The following SENP5 variants were observed in gnomAD, a reference collection of about 807,000 sequenced individuals.
SENP5 encodes the protein sentrin-specific protease 5.
In SENP5, 21 loss-of-function variants were observed where a neutral mutation model predicts 74.2. That is an observed-to-expected ratio of 0.28 (90% confidence interval 0.20 to 0.41). SENP5 has a LOEUF of 0.41. Among genes scored for constraint, SENP5 ranks in the 10% least tolerant of loss-of-function variants. The pLI, the probability that SENP5 is intolerant of heterozygous loss-of-function variation, is 1.00. For synonymous variants in SENP5, 311 were observed against 312.7 expected (o/e 0.99, Z 0.06); for missense variants, 717 against 889.1 (o/e 0.81, Z 2.46).
chr3:196,876,196 T>A (rs1577791717), intron 1 of SENP5, among the ~76,000 whole-genome samples: 1 of 152,300 alleles, frequency 6.6e-6, no homozygotes, highest in Non-Finnish European at 1.5e-5. Flanking sequence ...TTTTTACATG[T>A]CCCTAAGCTT....
chr3:196,904,352 T>C (rs1265779719), intron 6 of SENP5, among the ~76,000 whole-genome samples: 1 of 152,116 alleles, frequency 6.6e-6, no homozygotes, highest in South Asian at 2.1e-4. Flanking sequence ...GAAGAGTGAA[T>C]GTTAAAGGCC....
chr3:196,911,308 C>T (rs1715114947), intron 6 of SENP5, among the ~76,000 whole-genome samples: 1 of 152,112 alleles, frequency 6.6e-6, no homozygotes, highest in Admixed American at 6.6e-5. Flanking sequence ...TTGCAGTCTA[C>T]CCACCTGACA....
intron 2 of SENP5, among the ~76,000 whole-genome samples, chr3:196,896,347 A>G (rs1714439451): frequency 6.6e-6 from 1 of 152,200 alleles, no homozygotes. Context: ...CAGTTTCTGT[A>G]GTCACGGTAC....
chr3:196,886,318 A>G lies in SENP5; in HGVS notation c.1137A>G (p.Glu379=). 6.2e-7 allele frequency: 1 copy of G among 1,614,046 alleles called. No homozygotes were observed. Among genetic ancestry groups the G allele is most frequent in the Middle Eastern group, 1.7e-4 (1 of 6,060 alleles). ...TGATTCATGACATCCCCTTACCAGAACATCGTTCTAATACCATGTTCATTT... is the reference window on the plus strand; with the variant it reads ...TGATTCATGACATCCCCTTACCAGAGCATCGTTCTAATACCATGTTCATTT... The part of the protein sequence containing the change: ...TELIHDIPLP[E]HRSNTMFISE... The change falls in exon 2 of 10, where the codon GAA becomes GAG. Residue 379 remains glutamate, a synonymous_variant. Coordinates refer to ENST00000323460, the MANE Select transcript of SENP5 (RefSeq NM_152699.5).
intron 2 of SENP5, among the ~76,000 whole-genome samples, 171 bp from the exon 3 acceptor site, chr3:196,899,495 T>C (rs961689199): frequency 6.6e-6 from 1 of 152,226 alleles, no homozygotes; most frequent in African/African-American, 2.4e-5. Flanking sequence ...CTAATATATT[T>C]TATTTTTTAC....
At chr3:196,871,855 C>CA (rs10714946) in intron 1 of SENP5, among the ~76,000 whole-genome samples, 4,368 of 105,774 alleles carry the variant, frequency 0.041, 68 homozygotes, top group Middle Eastern at 0.06. Flanking sequence ...ACTCCATCTC[C>CA]AAAAAAAAAA....
At chr3:196,878,793 C>T (rs1577794687) in intron 1 of SENP5, among the ~76,000 whole-genome samples, 5 of 152,000 alleles carry the variant, frequency 3.3e-5, no homozygotes, top group African/African-American at 1.2e-4. Context: ...GGTTTCACCA[C>T]GTTGGCCAGG....
Position 196,923,677 on chromosome 3 carries a change from G to T in SENP5, c.2022+126G>T, listed in dbSNP as rs987456762. On this transcript the variant is annotated intron_variant, in intron 7 of 9. Transcript: ENST00000323460. ...GTTTATGTCATGAAAATCCTCCAAA[G>T]TGTTAGCTGAGAAAAGGACTAGAAG... The T allele has an allele frequency of 1.8e-5, 11 of 612,262 alleles. 1 individual carries two copies. In the Admixed American group the frequency reaches 3.1e-4, roughly 17 times the overall value. 37.9% of individuals were successfully genotyped at this position (612,262 alleles called of 1,614,324 possible). A position where few individuals can be genotyped will look rare whatever the true frequency, so the allele number is the denominator to read the frequency against.
intron 6 of SENP5, among the ~76,000 whole-genome samples, chr3:196,910,035 A>C (rs1715057212): frequency 6.6e-6 from 1 of 152,186 alleles, no homozygotes; most frequent in Non-Finnish European, 1.5e-5. Flanking sequence ...TTACGTTGAT[A>C]AGAAACTTTA....
chr3:196,900,272 G>A, intron 4 of SENP5, 93 bp from the exon 5 acceptor site: 2 of 1,243,596 alleles, frequency 1.6e-6, no homozygotes, highest in Non-Finnish European at 2.3e-6. Flanking sequence ...ATTGTATAGG[G>A]TTAGTAGCCT....
At chr3:196,872,221 T>C (rs893768174) in intron 1 of SENP5, among the ~76,000 whole-genome samples, 1 of 152,194 alleles carries the variant, frequency 6.6e-6, no homozygotes, top group African/African-American at 2.4e-5. Flanking sequence ...GCGTGTTTTA[T>C]CTTTGAAGGA....
At chr3:196,877,788 T>C (rs1189884519) in intron 1 of SENP5, among the ~76,000 whole-genome samples, 1 of 152,224 alleles carries the variant, frequency 6.6e-6, no homozygotes, top group African/African-American at 2.4e-5. Flanking sequence ...CAGGTTGCCT[T>C]GGGCACAGTT....
At chr3:196,914,603 A>ATG (rs1267568039) in intron 6 of SENP5, 186 of 121,810 alleles carry the variant, frequency 1.5e-3, no homozygotes, top group African/African-American at 5.5e-3. Flanking sequence ...ATATATATAT[A>ATG]TATATATATG....
At chr3:196,923,306 C>CT in intron 6 of SENP5, 108 bp from the exon 7 acceptor site, 2 of 1,226,858 alleles carry the variant, frequency 1.6e-6, no homozygotes, top group Non-Finnish European at 2.2e-6. Flanking sequence ...TTGCTTCCTA[C>CT]TTTTTTGCCC....
At position 196,900,400 on chromosome 3, in the gene SENP5, A is replaced by G; in HGVS notation, c.1794A>G (p.Ala598=). ...TGTATGGTGAGCTGATAATGGATGC[A>G]GTCCCAGACAAAGTAAGTGAAAACT... ...INMYGELIMD[A]VPDKVHFFNS... Residue 598 remains alanine (A), a synonymous_variant, in exon 5 of 10, where the codon GCA becomes GCG. Transcript: ENST00000323460. 1.2e-6 allele frequency: 2 copies of G among 1,609,294 alleles called. No individual in the cohort carries two copies. Among genetic ancestry groups the G allele is most frequent in the Non-Finnish European group, 1.7e-6 (2 of 1,177,852 alleles).
chr3:196,889,742 A>G (rs905134492), intron 2 of SENP5, among the ~76,000 whole-genome samples: 1 of 152,242 alleles, frequency 6.6e-6, no homozygotes, highest in Non-Finnish European at 1.5e-5. Context: ...GTTTTGGTAG[A>G]TCAGAAACTG....
At chr3:196,891,215 G>A (rs1271588312) in intron 2 of SENP5, among the ~76,000 whole-genome samples, 1 of 152,122 alleles carries the variant, frequency 6.6e-6, no homozygotes, top group East Asian at 1.9e-4. Context: ...ATATGATTTC[G>A]TTCATTTGAA....
chr3:196,920,687 T>TA (rs1300703347), intron 6 of SENP5, among the ~76,000 whole-genome samples: 2 of 152,246 alleles, frequency 1.3e-5, no homozygotes, highest in African/African-American at 4.8e-5. Flanking sequence ...TGAGAGTTTT[T>TA]AATCATAAGT....
At chr3:196,875,528 G>A (rs1004869603) in intron 1 of SENP5, among the ~76,000 whole-genome samples, 2 of 151,888 alleles carry the variant, frequency 1.3e-5, no homozygotes, top group African/African-American at 4.8e-5. Context: ...TACCCCTTCC[G>A]TGCCTCTAAG....
Sources: gnomAD v4.1 joint callset for allele counts (sites outside exome capture counted in the v4.1 genomes callset) on GRCh38, gnomAD v4.1.1 for gene constraint, MANE v1.5 for transcripts, NCBI Gene and HGNC (gene_info 2026-07-23, HGNC 2026-07-21) for gene names.